The following LRP1B variants were observed in gnomAD, a reference collection of about 807,000 sequenced individuals.
The protein encoded by LRP1B is low-density lipoprotein receptor-related protein 1B.
Under a neutral mutation model 556.6 loss-of-function variants are expected in LRP1B, and 217 were observed. That is an observed-to-expected ratio of 0.39 (90% CI 0.35 to 0.44). The LOEUF is 0.44. Ranked by LOEUF, LRP1B falls within the 20% of genes least tolerant of loss-of-function variation. LRP1B has a pLI of 1.00. For synonymous variants in LRP1B, 2,047 were observed against 1,865.8 expected, an observed-to-expected ratio of 1.10 and a Z score of -2.50; for missense variants, 5,053 against 5,620.8, an observed-to-expected ratio of 0.90 and a Z score of 3.23.
At chr2:141,843,809 C>G (rs1343112444) in intron 1 of LRP1B, among the ~76,000 whole-genome samples, 1 of 152,234 alleles carries the variant, frequency 6.6e-6, no homozygotes, top group East Asian at 1.9e-4. Flanking sequence ...TTTCTACATC[C>G]TTTTAATCAC....
At chr2:141,556,825 G>A (rs1177634713) in intron 2 of LRP1B, among the ~76,000 whole-genome samples, 1 of 151,754 alleles carries the variant, frequency 6.6e-6, no homozygotes, top group Non-Finnish European at 1.5e-5. Flanking sequence ...CTCTGTTTTA[G>A]AGATAAGAAA....
intron 20 of LRP1B, among the ~76,000 whole-genome samples, chr2:140,927,876 ATTTATT>A (rs570731816): frequency 5.3e-5 from 8 of 151,204 alleles, no homozygotes; most frequent in Admixed American, 2.6e-4. Context: ...CCGGCTATTC[ATTTATT>A]TTTATTTTTA....
At chr2:140,388,306 C>A (rs1481726658) in intron 66 of LRP1B, among the ~76,000 whole-genome samples, 3 of 152,034 alleles carry the variant, frequency 2.0e-5, no homozygotes, top group African/African-American at 7.2e-5. Flanking sequence ...TCAGACTGGA[C>A]CAGAAAAATA....
intron 7 of LRP1B, among the ~76,000 whole-genome samples, chr2:141,186,678 A>C (rs899086489): frequency 2.6e-5 from 4 of 152,090 alleles, no homozygotes; most frequent in Admixed American, 2.6e-4. Flanking sequence ...GGCTTGAAGG[A>C]ATCCAGCAGA....
At chr2:141,048,194 T>G (rs1055786083) in intron 11 of LRP1B, among the ~76,000 whole-genome samples, 1 of 152,130 alleles carries the variant, frequency 6.6e-6, no homozygotes, top group Non-Finnish European at 1.5e-5. Context: ...TTCTAAAATA[T>G]TCAAGAAGTA....
intron 41 of LRP1B, among the ~76,000 whole-genome samples, chr2:140,646,989 A>C (rs1237274449): frequency 1.3e-5 from 2 of 152,090 alleles, no homozygotes; most frequent in African/African-American, 4.8e-5. Flanking sequence ...TTCTAGACAA[A>C]TGAAAGGATT....
At chr2:140,791,126 C>T (rs567364031) in intron 32 of LRP1B, among the ~76,000 whole-genome samples, 7 of 151,868 alleles carry the variant, frequency 4.6e-5, no homozygotes, top group East Asian at 3.9e-4. Context: ...TAGTGGTGCA[C>T]GCCTGTAGTC....
intron 32 of LRP1B, among the ~76,000 whole-genome samples, chr2:140,800,995 T>C (rs1690489419): frequency 6.6e-6 from 1 of 152,204 alleles, no homozygotes; most frequent in Non-Finnish European, 1.5e-5. Flanking sequence ...ATGGCCATTT[T>C]ACATAAACAT....
intron 85 of LRP1B, among the ~76,000 whole-genome samples, chr2:140,272,258 A>ACAC (rs1682494421): frequency 4.7e-5 from 7 of 149,320 alleles, no homozygotes; most frequent in African/African-American, 1.2e-4. Flanking sequence ...TGCACACACA[A>ACAC]ACACACACAC....
chr2:140,725,457 G>C (rs1322432081), intron 35 of LRP1B, among the ~76,000 whole-genome samples: 1 of 142,418 alleles, frequency 7.0e-6, no homozygotes, highest in Non-Finnish European at 1.5e-5. Flanking sequence ...TTATAATAGC[G>C]TAAAAACTCC....
intron 1 of LRP1B, among the ~76,000 whole-genome samples, chr2:142,080,730 G>T (rs79497408): frequency 6.6e-6 from 1 of 151,996 alleles, no homozygotes; most frequent in African/African-American, 2.4e-5. Context: ...TATATTTTTG[G>T]TGGGAGATTG....
chr2:142,054,801 A>C (rs1206708276), intron 1 of LRP1B, among the ~76,000 whole-genome samples: 1 of 152,112 alleles, frequency 6.6e-6, no homozygotes, highest in South Asian at 2.1e-4. Context: ...CTCTAATTCA[A>C]ATTTCAGATA....
chr2:140,517,561 A>G (rs1689962001), intron 49 of LRP1B, among the ~76,000 whole-genome samples: 1 of 152,068 alleles, frequency 6.6e-6, no homozygotes, highest in Non-Finnish European at 1.5e-5. Flanking sequence ...ACACTGGCAA[A>G]TCTGAAATTA....
intron 32 of LRP1B, among the ~76,000 whole-genome samples, chr2:140,793,536 A>G (rs578256355): frequency 6.6e-6 from 1 of 152,136 alleles, no homozygotes; most frequent in African/African-American, 2.4e-5. Context: ...ACTGACTAGA[A>G]ATATATATGT....
chr2:140,959,307 C>A (rs112045150), intron 18 of LRP1B, among the ~76,000 whole-genome samples: 3,488 of 151,386 alleles, frequency 0.023, 69 homozygotes, highest in Non-Finnish European at 0.032. Flanking sequence ...GTTGAACATA[C>A]ATACATAAAT....
intron 43 of LRP1B, among the ~76,000 whole-genome samples, chr2:140,596,784 GT>G (rs1558993224): frequency 6.6e-6 from 1 of 152,142 alleles, no homozygotes; most frequent in South Asian, 2.1e-4. Context: ...TCCCGAACAA[GT>G]ACTAAACTTC....
intron 7 of LRP1B, among the ~76,000 whole-genome samples, chr2:141,072,021 A>T (rs1043272675): frequency 3.3e-5 from 5 of 152,122 alleles, no homozygotes; most frequent in Non-Finnish European, 7.4e-5. Flanking sequence ...TTCATATGGC[A>T]TCTCACCCTT....
chr2:140,525,766 T>A, intron 49 of LRP1B, 78 bp downstream of exon 49: 1 of 1,375,332 alleles, frequency 7.3e-7, no homozygotes, highest in East Asian at 2.4e-5. Context: ...AATAAAATTT[T>A]AAAAATTCAC....
chr2:140,786,163 TAA>T (rs1689892403), intron 32 of LRP1B, among the ~76,000 whole-genome samples: 1 of 152,228 alleles, frequency 6.6e-6, no homozygotes, highest in Non-Finnish European at 1.5e-5. Flanking sequence ...GATGCCTGCT[TAA>T]TTTTCCATCT....
Sources: allele counts gnomAD v4.1 joint callset (sites outside exome capture counted in the v4.1 genomes callset), GRCh38; gene constraint gnomAD v4.1.1; transcripts MANE v1.5; gene names NCBI Gene and HGNC (gene_info 2026-07-23, HGNC 2026-07-21).